The following NRG1 variants were observed in gnomAD, a reference collection of about 807,000 sequenced individuals.
NRG1 encodes the protein pro-neuregulin-1, membrane-bound isoform.
NRG1 carries 18 observed loss-of-function variants against 63.8 expected under a neutral mutation model. That is an observed-to-expected ratio of 0.28 (90% CI 0.19 to 0.42). The LOEUF is 0.42. Ranked by LOEUF, NRG1 falls within the 10% of genes least tolerant of loss-of-function variation. The pLI is 1.00. For missense variants in NRG1, 762 were observed against 814.7 expected, an observed-to-expected ratio of 0.94 and a Z score of 0.79; for synonymous variants, 302 against 301.3, an observed-to-expected ratio of 1.00 and a Z score of -0.02.
chr8:32,094,332 C>T (rs1829603482), intron 1 of NRG1, among the ~76,000 whole-genome samples: 1 of 152,122 alleles, frequency 6.6e-6, no homozygotes, highest in Non-Finnish European at 1.5e-5. Context: ...GCTGTGACTT[C>T]CTTAGAGCAA....
intron 1 of NRG1, among the ~76,000 whole-genome samples, chr8:32,041,151 G>C (rs1053356192): frequency 6.6e-6 from 1 of 152,022 alleles, no homozygotes; most frequent in Admixed American, 6.6e-5. Flanking sequence ...ATAGAAAAAT[G>C]GCAAGTAGAA....
intron 1 of NRG1, among the ~76,000 whole-genome samples, chr8:31,988,079 T>C (rs1193866753): frequency 6.6e-6 from 1 of 152,112 alleles, no homozygotes; most frequent in African/African-American, 2.4e-5. Context: ...GTCCTGACAT[T>C]TAGGACGCAC....
At chr8:32,110,495 T>C (rs1831866802) in intron 1 of NRG1, among the ~76,000 whole-genome samples, 1 of 152,172 alleles carries the variant, frequency 6.6e-6, no homozygotes, top group African/African-American at 2.4e-5. Context: ...GGAAATACCT[T>C]CTAAGAGAGA....
chr8:32,243,706 C>G (rs901716623), intron 1 of NRG1, among the ~76,000 whole-genome samples: 2 of 151,990 alleles, frequency 1.3e-5, no homozygotes, highest in Admixed American at 6.6e-5. Context: ...ATCTTGAAGG[C>G]CTAATCTCTA....
chr8:31,757,977 C>G (rs1366308433), intron 1 of NRG1, among the ~76,000 whole-genome samples: 1 of 152,070 alleles, frequency 6.6e-6, no homozygotes, highest in East Asian at 1.9e-4. Context: ...TGATTTCTGT[C>G]ACTATAGTTT....
At chr8:32,292,421 T>C (rs1205808461) in intron 1 of NRG1, among the ~76,000 whole-genome samples, 1 of 152,198 alleles carries the variant, frequency 6.6e-6, no homozygotes, top group Non-Finnish European at 1.5e-5. Flanking sequence ...ATTCTAAATA[T>C]ATAACCACAA....
intron 1 of NRG1, among the ~76,000 whole-genome samples, chr8:32,269,854 T>A (rs942859167): frequency 2.0e-5 from 3 of 152,170 alleles, no homozygotes; most frequent in African/African-American, 7.2e-5. Flanking sequence ...AATGAAGTTT[T>A]TGAACAACAA....
intron 1 of NRG1, among the ~76,000 whole-genome samples, chr8:32,313,222 A>G (rs1331324703): frequency 1.3e-5 from 2 of 152,182 alleles, no homozygotes; most frequent in African/African-American, 4.8e-5. Context: ...AAGTTCTAAG[A>G]GTTGATATTG....
At chr8:32,642,316 G>C (rs966534476) in intron 5 of NRG1, among the ~76,000 whole-genome samples, 1 of 152,212 alleles carries the variant, frequency 6.6e-6, no homozygotes, top group African/African-American at 2.4e-5. Context: ...AATACTGATA[G>C]TCTTTGCCTT....
chr8:31,947,756 C>T (rs1298246118), intron 1 of NRG1, among the ~76,000 whole-genome samples: 8 of 151,730 alleles, frequency 5.3e-5, no homozygotes, highest in Non-Finnish European at 1.2e-4. Flanking sequence ...CCACCCAGGG[C>T]AACATGGTGA....
chr8:32,328,352 T>C (rs1802253581), intron 1 of NRG1, among the ~76,000 whole-genome samples: 1 of 152,186 alleles, frequency 6.6e-6, no homozygotes, highest in Non-Finnish European at 1.5e-5. Context: ...AATTCAAATT[T>C]GTTATGTATT....
At chr8:32,268,520 C>G (rs1851221293) in intron 1 of NRG1, among the ~76,000 whole-genome samples, 1 of 152,124 alleles carries the variant, frequency 6.6e-6, no homozygotes, top group South Asian at 2.1e-4. Context: ...TAAATTCAAA[C>G]TTTCAACAGG....
At chr8:31,804,069 T>C (rs1822046747) in intron 1 of NRG1, among the ~76,000 whole-genome samples, 1 of 152,202 alleles carries the variant, frequency 6.6e-6, no homozygotes, top group Non-Finnish European at 1.5e-5. Context: ...TATGTCTTTA[T>C]CTATTGTCTT....
rs1231203644 is a variant in NRG1, at chr8:31,639,960, C to T, written c.37+529C>T. On this transcript the variant is annotated intron_variant, in intron 1 of 10. Transcript: ENST00000519301. ...GCCGGGCAGAGTCCGAACCGACAGCCAGAAGCCCGCACGCACCTCGCACCA... is the reference window on the plus strand; with the variant it reads ...GCCGGGCAGAGTCCGAACCGACAGCTAGAAGCCCGCACGCACCTCGCACCA... 6.2e-6 allele frequency: 7 copies of T among 1,126,994 alleles called. No individual in the cohort carries two copies. In the East Asian group the frequency reaches 3.3e-4, roughly 54 times the overall value. The allele number at this position is 1,126,994 out of a possible 1,614,324, so 69.8% of individuals were successfully genotyped here.
chr8:32,532,327 A>G (rs945511626), intron 1 of NRG1, among the ~76,000 whole-genome samples: 1 of 152,036 alleles, frequency 6.6e-6, no homozygotes, highest in African/African-American at 2.4e-5. Context: ...TAAAGCTAGT[A>G]TGTGCTATAA....
intron 1 of NRG1, among the ~76,000 whole-genome samples, chr8:31,984,252 A>G (rs1263339809): frequency 6.6e-6 from 1 of 152,164 alleles, no homozygotes; most frequent in Non-Finnish European, 1.5e-5. Context: ...TGTAAAAATG[A>G]TAAAATTATT....
chr8:32,563,904 A>T (rs1166259169), intron 1 of NRG1, among the ~76,000 whole-genome samples: 1 of 152,184 alleles, frequency 6.6e-6, no homozygotes, highest in Non-Finnish European at 1.5e-5. Flanking sequence ...CTGAATTGTC[A>T]TCAAGCTATT....
At chr8:31,642,979 AGTGTGTGT>A (rs34942505) in intron 1 of NRG1, among the ~76,000 whole-genome samples, 1 of 150,968 alleles carries the variant, frequency 6.6e-6, no homozygotes. Flanking sequence ...TGAGTGTAAA[AGTGTGTGT>A]GTGTGTGTGT....
rs1585534968 is a variant in NRG1, at chr8:31,890,366, A to G, written c.37+250935A>G. ...ATCAAAGGACAGAAATAACCCACGGAATTTTAAAGTTTAATTAACAAAATT... is the reference window on the plus strand; with the variant it reads ...ATCAAAGGACAGAAATAACCCACGGGATTTTAAAGTTTAATTAACAAAATT... On this transcript the variant is annotated intron_variant, in intron 1 of 10. Coordinates refer to the NRG1 transcript ENST00000519301. Among the ~76,000 whole-genome samples the G allele has an allele frequency of 3.3e-5, 5 of 152,348 alleles. No individual in the cohort carries two copies. In the South Asian group the frequency reaches 1.0e-3, roughly 32 times the overall value.
Sources: allele counts gnomAD v4.1 joint callset (sites outside exome capture counted in the v4.1 genomes callset), GRCh38; gene constraint gnomAD v4.1.1; transcripts MANE v1.5; gene names NCBI Gene and HGNC (gene_info 2026-07-23, HGNC 2026-07-21).